Variants in TBC1D5 observed in about 807,000 individuals in gnomAD.
The protein encoded by TBC1D5 is TBC1 domain family, member 5.
TBC1D5 carries 75 observed loss-of-function variants against 100.3 expected under a neutral mutation model. That is an observed-to-expected ratio of 0.75 (90% CI 0.62 to 0.91). The LOEUF (loss-of-function observed/expected upper bound fraction) is 0.91. TBC1D5 is among the 40% of genes least tolerant of loss of function. TBC1D5 has a pLI of 0.00. For missense variants in TBC1D5, 910 were observed against 942.4 expected (o/e 0.97, Z 0.45); for synonymous variants, 323 against 325.6 (o/e 0.99, Z 0.09).
At chr3:17,714,049 A>G (rs1419852843) in intron 1 of TBC1D5, among the ~76,000 whole-genome samples, 3 of 152,164 alleles carry the variant, frequency 2.0e-5, no homozygotes, top group Non-Finnish European at 4.4e-5. Context: ...CCTGGTACAA[A>G]TGGCGGCCTT....
intron 8 of TBC1D5, among the ~76,000 whole-genome samples, chr3:17,396,869 A>G (rs2093520178): frequency 6.6e-6 from 1 of 152,144 alleles, no homozygotes; most frequent in African/African-American, 2.4e-5. Flanking sequence ...CAAAAATAAA[A>G]CAATAATGAA....
intron 13 of TBC1D5, among the ~76,000 whole-genome samples, chr3:17,315,434 G>A (rs1030094930): frequency 3.9e-5 from 6 of 152,192 alleles, no homozygotes; most frequent in South Asian, 2.1e-4. Flanking sequence ...TACTGGGAGC[G>A]CAGCTGAATG....
chr3:17,470,080 C>G (rs1405653978), intron 3 of TBC1D5, among the ~76,000 whole-genome samples: 2 of 152,190 alleles, frequency 1.3e-5, no homozygotes, highest in Non-Finnish European at 2.9e-5. Flanking sequence ...TAATCTGTCA[C>G]CATAGTCTAA....
chr3:17,355,700 T>C (rs1369468873), intron 13 of TBC1D5, among the ~76,000 whole-genome samples: 1 of 152,080 alleles, frequency 6.6e-6, no homozygotes, highest in Middle Eastern at 3.2e-3. Flanking sequence ...TCACATCCCA[T>C]GGTAGCGTTT....
chr3:17,617,660 T>C (rs2062289317), intron 2 of TBC1D5, among the ~76,000 whole-genome samples: 1 of 152,230 alleles, frequency 6.6e-6, no homozygotes, highest in East Asian at 1.9e-4. Context: ...CTTCAATCAC[T>C]GATACCCTTT....
At chr3:17,660,326 A>T (rs1362731195) in intron 1 of TBC1D5, among the ~76,000 whole-genome samples, 3 of 152,204 alleles carry the variant, frequency 2.0e-5, no homozygotes, top group Non-Finnish European at 2.9e-5. Flanking sequence ...CAAATCCAAC[A>T]TCCATTTTTA....
At chr3:17,617,915 C>A (rs917409459) in intron 2 of TBC1D5, among the ~76,000 whole-genome samples, 1 of 152,208 alleles carries the variant, frequency 6.6e-6, no homozygotes, top group African/African-American at 2.4e-5. Context: ...TCATCAAAGT[C>A]TTCCTCCATA....
At chr3:17,439,659 T>C (rs960457582) in intron 3 of TBC1D5, among the ~76,000 whole-genome samples, 13 of 152,198 alleles carry the variant, frequency 8.5e-5, no homozygotes, top group African/African-American at 3.1e-4. Context: ...GGAATTACTG[T>C]ACTGTTCTTT....
chr3:17,326,938 C>T (rs541258981), intron 13 of TBC1D5, among the ~76,000 whole-genome samples: 47 of 152,306 alleles, frequency 3.1e-4, no homozygotes, highest in South Asian at 1.5e-3. Context: ...TCATACCCTA[C>T]GTTTAATTCA....
At chr3:17,545,413 C>T (rs1367854200) in intron 2 of TBC1D5, among the ~76,000 whole-genome samples, 2 of 152,192 alleles carry the variant, frequency 1.3e-5, no homozygotes, top group Non-Finnish European at 2.9e-5. Flanking sequence ...ACTGTGAGAG[C>T]ATAAACTCTG....
intron 9 of TBC1D5, among the ~76,000 whole-genome samples, chr3:17,382,798 C>A (rs2093000839): frequency 6.6e-6 from 1 of 151,958 alleles, no homozygotes; most frequent in African/African-American, 2.4e-5. Flanking sequence ...CTGGGCTCAG[C>A]CAATCACCCT....
intron 1 of TBC1D5, among the ~76,000 whole-genome samples, chr3:17,687,631 TAC>T (rs1349153679): frequency 1.3e-5 from 2 of 152,186 alleles, no homozygotes; most frequent in Non-Finnish European, 2.9e-5. Context: ...TGCTCTACCG[TAC>T]AGTTTCTATT....
chr3:17,294,743 T>A (rs2082083774), intron 14 of TBC1D5, among the ~76,000 whole-genome samples: 1 of 152,124 alleles, frequency 6.6e-6, no homozygotes, highest in African/African-American at 2.4e-5. Context: ...TAACAGCAAA[T>A]AAGTTCACTG....
chr3:17,662,291 C>T (rs1470416563), intron 1 of TBC1D5, among the ~76,000 whole-genome samples: 1 of 152,198 alleles, frequency 6.6e-6, no homozygotes, highest in Non-Finnish European at 1.5e-5. Flanking sequence ...CATTATTTCT[C>T]ATTAAATCAG....
chr3:17,179,083 G>A (rs563777092), intron 19 of TBC1D5, among the ~76,000 whole-genome samples: 3 of 152,302 alleles, frequency 2.0e-5, no homozygotes, highest in Admixed American at 2.0e-4. Context: ...CAGTAGCTGA[G>A]ACTATAGGCA....
At chr3:17,414,520 T>C (rs1317242950) in intron 4 of TBC1D5, among the ~76,000 whole-genome samples, 1 of 152,158 alleles carries the variant, frequency 6.6e-6, no homozygotes, top group Non-Finnish European at 1.5e-5. Flanking sequence ...ATTTTGAAAA[T>C]ACTATTCAAA....
rs71790145 is a variant in TBC1D5 at position 17,706,740 on chromosome 3, TATTAA to T, written c.-101+32598_-101+32602del. Among the ~76,000 whole-genome samples, 809 of 152,056 alleles carry T rather than the reference TATTAA, an allele frequency of 5.3e-3. 6 individuals carry two copies. The highest frequency in any genetic ancestry group is 0.026 in the Admixed American group (402 of 15,272). On this transcript the variant is annotated intron_variant, in intron 1 of 21. Coordinates refer to ENST00000253692, the Ensembl canonical transcript of TBC1D5. ...TAATTATATATTTGAGTTTAAATTATATTAAATTAAATATTCTGAATTTAAATTAT... is the reference window on the plus strand; with the variant it reads ...TAATTATATATTTGAGTTTAAATTATATTAAATATTCTGAATTTAAATTAT...
intron 10 of TBC1D5, 73 bp downstream of exon 10, chr3:17,376,452 T>A: frequency 1.6e-6 from 2 of 1,289,804 alleles, no homozygotes; most frequent in South Asian, 1.3e-5. Context: ...TTAGAAGATT[T>A]TGAGGTTTCA....
At chr3:17,548,685 C>T (rs1236268590) in intron 2 of TBC1D5, among the ~76,000 whole-genome samples, 2 of 152,072 alleles carry the variant, frequency 1.3e-5, no homozygotes, top group Non-Finnish European at 2.9e-5. Context: ...ATTTATTCCT[C>T]CGTGTAACAA....
Sources: gnomAD v4.1 joint callset for allele counts (sites outside exome capture counted in the v4.1 genomes callset) on GRCh38, gnomAD v4.1.1 for gene constraint, MANE v1.5 for transcripts, NCBI Gene and HGNC (gene_info 2026-07-23, HGNC 2026-07-21) for gene names.